Variants in FOXN3 observed in about 807,000 individuals in gnomAD.
FOXN3 encodes forkhead box protein N3.
FOXN3 carries 7 observed loss-of-function variants against 38.4 expected under a neutral mutation model. The ratio of observed to expected loss-of-function variants is 0.18; its 90% CI spans 0.10 to 0.34. FOXN3 has a LOEUF of 0.34. Ranked by LOEUF, FOXN3 falls within the 10% of genes least tolerant of loss-of-function variation. The probability of loss-of-function intolerance (pLI) is 1.00; values close to 1 mark genes in which losing one functional copy is unlikely to be tolerated. For synonymous variants in FOXN3, 230 were observed against 242.2 expected (o/e 0.95, Z 0.47); for missense variants, 456 against 613.4 (o/e 0.74, Z 2.71).
At chr14:89,173,507 G>A (rs1280553031) in intron 5 of FOXN3, among the ~76,000 whole-genome samples, 2 of 152,144 alleles carry the variant, frequency 1.3e-5, no homozygotes, top group African/African-American at 2.4e-5. Context: ...CAGTAGCACT[G>A]CTTGTAATAT....
chr14:89,336,857 A>G (rs1445668457), intron 3 of FOXN3, among the ~76,000 whole-genome samples: 1 of 152,258 alleles, frequency 6.6e-6, no homozygotes, highest in African/African-American at 2.4e-5. Flanking sequence ...AAAGAGTTGT[A>G]TTAGAGAAAT....
At chr14:89,260,860 C>G (rs1196468567) in intron 4 of FOXN3, among the ~76,000 whole-genome samples, 1 of 152,170 alleles carries the variant, frequency 6.6e-6, no homozygotes, top group Non-Finnish European at 1.5e-5. Flanking sequence ...TAGTTTTGTT[C>G]TTTTATGTAT....
In FOXN3 at chr14:89,457,961, C is replaced by T. The variant is rs965386980; in HGVS notation, c.-14-45471G>A. On this transcript the variant is annotated intron_variant, in intron 1 of 6. Coordinates refer to the FOXN3 transcript ENST00000345097. Reference sequence around the variant, plus strand: ...CCTGGGAGGTGGAGGTTGCAGTGAGCGGAGGTTGCAGTGAGCCAAGATTGC... The same window carrying T: ...CCTGGGAGGTGGAGGTTGCAGTGAGTGGAGGTTGCAGTGAGCCAAGATTGC... 5.9e-5 allele frequency among the ~76,000 whole-genome samples: 8 copies of T among 134,674 alleles called. No homozygotes were observed. In the Admixed American group the frequency reaches 6.9e-4, roughly 12 times the overall value. The allele number at this position is 134,674 out of a possible 152,430, so 88.4% of individuals were successfully genotyped here. A position where few individuals can be genotyped will look rare whatever the true frequency, so the allele number is the denominator to read the frequency against.
At position 89,554,776 on chromosome 14, in the gene FOXN3, G is replaced by A. The variant is rs35735196; in HGVS notation, c.-15+64252C>T. Among the ~76,000 whole-genome samples the A allele has an allele frequency of 6.7e-3, 939 of 141,118 alleles. 20 individuals carry two copies. The highest frequency in any genetic ancestry group is 0.015 in the South Asian group (67 of 4,496). 92.6% of individuals were successfully genotyped at this position (141,118 alleles called of 152,430 possible). On this transcript the variant is annotated intron_variant, in intron 1 of 6. Transcript: ENST00000345097. Reference sequence around the variant, plus strand: ...TCAGATATAATCTATGTAAATACTAGCATTTCTTTTTTTTTTTTTTTTTTT... The same window carrying A: ...TCAGATATAATCTATGTAAATACTAACATTTCTTTTTTTTTTTTTTTTTTT...
At chr14:89,423,310 T>C (rs1230994561) in intron 1 of FOXN3, among the ~76,000 whole-genome samples, 1 of 152,214 alleles carries the variant, frequency 6.6e-6, no homozygotes, top group Admixed American at 6.5e-5. Flanking sequence ...TCTATCTACC[T>C]AGTTTTCACT....
intron 1 of FOXN3, among the ~76,000 whole-genome samples, chr14:89,530,971 A>T (rs1894549509): frequency 6.8e-6 from 1 of 147,732 alleles, no homozygotes; most frequent in Non-Finnish European, 1.5e-5. Flanking sequence ...CACATATATA[A>T]TATATACATA....
chr14:89,465,134 A>G (rs1428195364), intron 1 of FOXN3, among the ~76,000 whole-genome samples: 2 of 152,142 alleles, frequency 1.3e-5, no homozygotes, highest in Non-Finnish European at 2.9e-5. Context: ...CCATGATTGT[A>G]AGTTTCCTGA....
intron 1 of FOXN3, chr14:89,576,166 C>A (rs1486138004): frequency 6.6e-6 from 1 of 152,234 alleles, no homozygotes; most frequent in Admixed American, 6.5e-5. Flanking sequence ...CGTGCTCTAG[C>A]ATTTAGCACA....
chr14:89,472,793 T>C (rs1446766829), intron 1 of FOXN3, among the ~76,000 whole-genome samples: 1 of 151,988 alleles, frequency 6.6e-6, no homozygotes, highest in African/African-American at 2.4e-5. Flanking sequence ...AGTTGGTCAT[T>C]ATATATGTAG....
At chr14:89,342,784 C>G (rs1888652246) in intron 3 of FOXN3, among the ~76,000 whole-genome samples, 1 of 151,978 alleles carries the variant, frequency 6.6e-6, no homozygotes. Context: ...AAAATTACTC[C>G]CAGCAAAAAG....
In FOXN3 at chr14:89,412,371, G is replaced by C. The variant is rs536437011; in HGVS notation, c.106C>G (p.Gln36Glu). Residue 36 changes from glutamine to glutamate, a missense_variant, in exon 2 of 6, where the codon CAG becomes GAG. This residue lies in a region of FOXN3 where 59 missense variants were observed against 69.0 expected (regional missense o/e 0.85). Coordinates refer to ENST00000557258, the MANE Select transcript of FOXN3 (RefSeq NM_005197.4). The surrounding 1 kb of genome is among the most constrained non-coding windows in gnomAD (Gnocchi z 4.7). The part of the protein sequence containing the change: ...YGGSGFSKAL[Q>E]EDDDLDFSLP... The stretch of plus-strand genomic sequence containing the variant: ...GAAAAGTCGAGGTCATCGTCTTCCT[G>C]AAGGGCCTTGGAGAAACCGCTGCCC... 2 of 1,614,178 alleles carry C rather than the reference G, an allele frequency of 1.2e-6. No individual in the cohort carries two copies. Among genetic ancestry groups the C allele is most frequent in the South Asian group, 1.1e-5 (1 of 91,084 alleles).
intron 3 of FOXN3, among the ~76,000 whole-genome samples, chr14:89,327,732 G>A (rs530039911): frequency 2.6e-5 from 4 of 152,288 alleles, no homozygotes; most frequent in Admixed American, 2.6e-4. Context: ...GCACAAATGA[G>A]CAGGGAAGCC....
At chr14:89,289,557 C>G (rs1458205776) in intron 3 of FOXN3, among the ~76,000 whole-genome samples, 1 of 152,144 alleles carries the variant, frequency 6.6e-6, no homozygotes, top group Non-Finnish European at 1.5e-5. Flanking sequence ...AGTAAGTTTT[C>G]AAATGACACG....
chr14:89,558,497 G>T (rs1895172982), intron 1 of FOXN3, among the ~76,000 whole-genome samples: 1 of 152,144 alleles, frequency 6.6e-6, no homozygotes, highest in Non-Finnish European at 1.5e-5. Flanking sequence ...CGTTTCCAGG[G>T]TTCTCAGCCA....
chr14:89,415,089 T>C (rs1024548501), intron 1 of FOXN3, among the ~76,000 whole-genome samples: 1 of 152,196 alleles, frequency 6.6e-6, no homozygotes, highest in Non-Finnish European at 1.5e-5. Flanking sequence ...ACCACTTGTC[T>C]TTCTTAAAGT....
In FOXN3 at chr14:89,156,318, C is replaced by T. The variant is rs962339477; in HGVS notation, c.*6096G>A. ...TTGTCTTTGGCAATATGATTACATACGAAGAATGCAAAATGCAGGTATGGA... is the reference window on the plus strand; with the variant it reads ...TTGTCTTTGGCAATATGATTACATATGAAGAATGCAAAATGCAGGTATGGA... On this transcript the variant is annotated 3_prime_UTR_variant, in exon 6 of 6. Coordinates refer to ENST00000557258, the MANE Select transcript of FOXN3 (RefSeq NM_005197.4). The T allele has an allele frequency of 1.3e-4, 20 of 152,590 alleles. No individual in the cohort carries two copies. The highest frequency in any genetic ancestry group is 4.6e-4 in the African/African-American group (19 of 41,426). The allele number at this position is 152,590 out of a possible 1,614,324, so 9.5% of individuals were successfully genotyped here. A position where few individuals can be genotyped will look rare whatever the true frequency, so the allele number is the denominator to read the frequency against.
intron 1 of FOXN3, among the ~76,000 whole-genome samples, chr14:89,524,320 A>G (rs1481804482): frequency 7.7e-6 from 1 of 130,556 alleles, no homozygotes; most frequent in African/African-American, 2.8e-5. Flanking sequence ...GCCTGCAGTG[A>G]GCCGAGATCG....
rs1388687496 is a variant in FOXN3 at position 89,360,759 on chromosome 14, T to TCCA, written c.544-9954_544-9952dup. The stretch of plus-strand genomic sequence containing the variant: ...CTCCAGCACCACCTCCACCACCACC[T>TCCA]CCACCACTACCACCTCCACCACCAC... On this transcript the variant is annotated intron_variant, in intron 2 of 5. Transcript: ENST00000557258. 2.0e-3 allele frequency among the ~76,000 whole-genome samples: 78 copies of TCCA among 38,902 alleles called. 1 individual carries two copies. Among genetic ancestry groups the TCCA allele is most frequent in the African/African-American group, 0.012 (69 of 5,832 alleles). 25.5% of individuals were successfully genotyped at this position (38,902 alleles called of 152,430 possible).
At chr14:89,270,736 A>G (rs989400062) in intron 4 of FOXN3, among the ~76,000 whole-genome samples, 2 of 152,198 alleles carry the variant, frequency 1.3e-5, no homozygotes, top group East Asian at 3.9e-4. Context: ...ATCATCATCA[A>G]TCCTCATAGT....
Sources: allele counts gnomAD v4.1 joint callset (sites outside exome capture counted in the v4.1 genomes callset), GRCh38; gene constraint gnomAD v4.1.1; regional missense constraint gnomAD v4.1.1; non-coding constraint Gnocchi (gnomAD v3.1); transcripts MANE v1.5; gene names NCBI Gene and HGNC (gene_info 2026-07-23, HGNC 2026-07-21).